KDM3B: variants seen among roughly 807,000 people sequenced by gnomAD.
KDM3B encodes the protein lysine demethylase 3B.
KDM3B carries 10 observed loss-of-function variants against 170.0 expected under a neutral mutation model. That is an observed-to-expected ratio of 0.06 (90% CI 0.04 to 0.10). The LOEUF is 0.10. Ranked by LOEUF, KDM3B falls within the 10% of genes least tolerant of loss-of-function variation. KDM3B has a pLI of 1.00. For synonymous variants in KDM3B, 831 were observed against 834.8 expected, an observed-to-expected ratio of 1.00 and a Z score of 0.08; for missense variants, 1,394 against 2,195.2, an observed-to-expected ratio of 0.64 and a Z score of 7.29.
At chr5:138,363,632 C>T (rs1212625833) in intron 1 of KDM3B, among the ~76,000 whole-genome samples, 3 of 151,872 alleles carry the variant, frequency 2.0e-5, no homozygotes, top group Non-Finnish European at 4.4e-5. Flanking sequence ...CTGCATCCTC[C>T]GCATCCCAGG....
chr5:138,421,723 A>G (rs1434172944), intron 15 of KDM3B, among the ~76,000 whole-genome samples: 4 of 152,226 alleles, frequency 2.6e-5, no homozygotes, highest in African/African-American at 9.6e-5. Context: ...AAAAGGAGAA[A>G]AATAATAAAA....
Position 138,352,907 on chromosome 5 carries a change from C to A in KDM3B, c.112C>A (p.Pro38Thr). Residue 38 changes from proline (P) to threonine (T), a missense_variant, in exon 1 of 24, where the codon CCG (proline) becomes ACG (threonine). Pro to Thr is a conservative substitution (Grantham distance 38). Coordinates refer to ENST00000314358, the MANE Select transcript of KDM3B (RefSeq NM_016604.4). ...APAAAAASGD[P>T]GPALRTRAWR... ...CGCGGCGGCAGCGGCGAGCGGAGAT[C>A]CGGGGCCTGCGCTGCGCACTCGAGC... The A allele has an allele frequency of 1.6e-5, 22 of 1,372,620 alleles. No homozygotes were observed. Among genetic ancestry groups the A allele is most frequent in the East Asian group, 3.2e-5 (1 of 31,420 alleles). 85.0% of individuals were successfully genotyped at this position (1,372,620 alleles called of 1,614,324 possible).
intron 23 of KDM3B, among the ~76,000 whole-genome samples, chr5:138,432,377 C>G (rs1032584375): frequency 2.0e-5 from 3 of 152,062 alleles, no homozygotes; most frequent in African/African-American, 7.2e-5. Context: ...ATTTTAAGGG[C>G]AGAATTTCAT....
At chr5:138,355,390 C>G (rs1249214573) in intron 1 of KDM3B, among the ~76,000 whole-genome samples, 1 of 152,122 alleles carries the variant, frequency 6.6e-6, no homozygotes, top group Non-Finnish European at 1.5e-5. Flanking sequence ...TTAAATGAAA[C>G]CTTTTTTGGA....
rs61750311 is a variant in KDM3B, at chr5:138,391,158, G to A, written c.1526G>A (p.Cys509Tyr). The change falls in exon 8 of 24, where the codon TGT becomes TAT. Residue 509 changes from cysteine to tyrosine, a missense_variant. Cys to Tyr is a radical substitution (Grantham distance 194). Around this residue, in one of 19 missense-constraint regions of KDM3B, gnomAD observed 294 missense variants for 311.7 expected, o/e 0.94. Coordinates refer to ENST00000314358, the MANE Select transcript of KDM3B (RefSeq NM_016604.4). The surrounding 1 kb of genome is among the most constrained non-coding windows in gnomAD (Gnocchi z 5.0). Reference protein sequence around the residue: ...ENKPLGFSFGCSSAQEAQKDT... With the variant: ...ENKPLGFSFGYSSAQEAQKDT... ...AAACCTTTGGGCTTCTCTTTTGGCT[G>A]TAGCTCTGCACAAGAGGCACAGAAA... 4 of 1,614,046 alleles carry A rather than the reference G, an allele frequency of 2.5e-6. No individual in the cohort carries two copies. The highest frequency in any genetic ancestry group is 1.7e-5 in the Admixed American group (1 of 60,000).
chr5:138,359,195 T>C (rs2126905868), intron 1 of KDM3B, among the ~76,000 whole-genome samples: 1 of 152,052 alleles, frequency 6.6e-6, no homozygotes, highest in African/African-American at 2.4e-5. Flanking sequence ...ACAGTCTTAC[T>C]GTGTCAGCCA....
intron 7 of KDM3B, among the ~76,000 whole-genome samples, chr5:138,389,967 C>A (rs754359408): frequency 1.3e-5 from 2 of 152,094 alleles, no homozygotes; most frequent in African/African-American, 4.8e-5. Flanking sequence ...TCAAGCAATT[C>A]TCCTGCCTCA....
intron 1 of KDM3B, among the ~76,000 whole-genome samples, chr5:138,355,488 G>T (rs922120149): frequency 1.3e-5 from 2 of 152,162 alleles, no homozygotes; most frequent in Middle Eastern, 6.3e-3. Flanking sequence ...TGTTGATAAG[G>T]TTCTCATAGG....
At chr5:138,379,134 T>C (rs1762068256) in intron 4 of KDM3B, among the ~76,000 whole-genome samples, 3 of 152,204 alleles carry the variant, frequency 2.0e-5, no homozygotes, top group African/African-American at 7.2e-5. Context: ...GATACCAGAA[T>C]GTAAATGGTC....
chr5:138,375,670 G>A (rs1441978127), intron 3 of KDM3B, among the ~76,000 whole-genome samples: 1 of 151,182 alleles, frequency 6.6e-6, no homozygotes, highest in East Asian at 2.0e-4. Flanking sequence ...GAGCCACCAC[G>A]CCCAGCCTAT....
At position 138,410,753 on chromosome 5, in the gene KDM3B, G is replaced by T. The variant is rs374266533; in HGVS notation, c.3200-4379G>T. Reference sequence around the variant, plus strand: ...CTCCAATGATAGGTAAGGTCACGTGGGTCACATGTCCACTGGACAGGGGGC... The same window carrying T: ...CTCCAATGATAGGTAAGGTCACGTGTGTCACATGTCCACTGGACAGGGGGC... On this transcript the variant is annotated intron_variant, in intron 11 of 23. Transcript: ENST00000314358. Among the ~76,000 whole-genome samples the T allele has an allele frequency of 1.8e-4, 28 of 152,322 alleles. No homozygotes were observed. In the East Asian group the frequency reaches 4.4e-3, roughly 24 times the overall value.
At chr5:138,394,211 G>T (rs1762498386) in intron 9 of KDM3B, among the ~76,000 whole-genome samples, 1 of 151,954 alleles carries the variant, frequency 6.6e-6, no homozygotes, top group East Asian at 1.9e-4. Context: ...AGTCTCTACA[G>T]AAAATTTTAA....
intron 23 of KDM3B, among the ~76,000 whole-genome samples, chr5:138,435,128 A>G (rs1763640414): frequency 6.6e-6 from 1 of 152,194 alleles, no homozygotes; most frequent in East Asian, 1.9e-4. Context: ...CAGAAAACAT[A>G]TAAGCACGAA....
intron 10 of KDM3B, among the ~76,000 whole-genome samples, chr5:138,399,324 G>T (rs1204709792): frequency 6.6e-6 from 1 of 151,796 alleles, no homozygotes; most frequent in Non-Finnish European, 1.5e-5. Flanking sequence ...CAGATCACGA[G>T]GTCAGGAGTT....
chr5:138,359,465 CTTTTTTTTTTTTTT>C (rs35535602), intron 1 of KDM3B, among the ~76,000 whole-genome samples: 1 of 119,572 alleles, frequency 8.4e-6, no homozygotes, highest in Non-Finnish European at 1.7e-5. Context: ...CCCCCCCCAC[CTTTTTTTTTTTTTT>C]TTTTTTTTTA....
intron 11 of KDM3B, among the ~76,000 whole-genome samples, chr5:138,414,377 G>A (rs1438683072): frequency 1.3e-5 from 2 of 152,014 alleles, no homozygotes; most frequent in Non-Finnish European, 1.5e-5. Context: ...GTATTAGCCA[G>A]GATGGTCTCG....
chr5:138,368,438 G>A (rs961396939), intron 1 of KDM3B, among the ~76,000 whole-genome samples: 5 of 151,490 alleles, frequency 3.3e-5, no homozygotes, highest in African/African-American at 1.2e-4. Flanking sequence ...ATCTTGCTAT[G>A]TTGCCAGGGC....
At chr5:138,377,637 C>T in intron 3 of KDM3B, 83 bp from the exon 4 acceptor site, 1 of 968,266 alleles carries the variant, frequency 1.0e-6, no homozygotes, top group Non-Finnish European at 1.6e-6. Flanking sequence ...TATACAGCTC[C>T]TTAGGATATG....
At position 138,379,867 on chromosome 5, in the gene KDM3B, T is replaced by G. The variant is rs890302173; in HGVS notation, c.705+159T>G. ...CCCTAGAAAGGCTATTGAATTTTCTTAACTTCACTGTTCTCATCTATAAAC... is the reference window on the plus strand; with the variant it reads ...CCCTAGAAAGGCTATTGAATTTTCTGAACTTCACTGTTCTCATCTATAAAC... On this transcript the variant is annotated intron_variant, in intron 5 of 23. Transcript: ENST00000314358. Among the ~76,000 whole-genome samples the G allele has an allele frequency of 5.3e-5, 8 of 152,234 alleles. No individual in the cohort carries two copies. In the East Asian group the frequency reaches 1.2e-3, roughly 22 times the overall value.
Sources: gnomAD v4.1 joint callset for allele counts (sites outside exome capture counted in the v4.1 genomes callset) on GRCh38, gnomAD v4.1.1 for gene constraint, gnomAD v4.1.1 regional missense constraint, Gnocchi (gnomAD v3.1) non-coding constraint, MANE v1.5 for transcripts, NCBI Gene and HGNC (gene_info 2026-07-23, HGNC 2026-07-21) for gene names.